Variants in NAV2 observed in about 807,000 individuals in gnomAD.
NAV2 encodes the protein neuron navigator 2.
Under a neutral mutation model 223.2 loss-of-function variants are expected in NAV2, and 54 were observed. The ratio of observed to expected loss-of-function variants is 0.24; its 90% CI spans 0.19 to 0.30. NAV2 has a LOEUF of 0.30. Among genes scored for constraint, NAV2 ranks in the 10% least tolerant of loss-of-function variants. NAV2 has a pLI of 1.00. For missense variants in NAV2, 2,806 were observed against 3,147.5 expected, an observed-to-expected ratio of 0.89 and a Z score of 2.60; for synonymous variants, 1,279 against 1,239.3, an observed-to-expected ratio of 1.03 and a Z score of -0.67.
At chr11:19,463,578 G>A (rs1433391463) in intron 1 of NAV2, among the ~76,000 whole-genome samples, 5 of 152,220 alleles carry the variant, frequency 3.3e-5, no homozygotes, top group Non-Finnish European at 7.3e-5. Context: ...TTGGTGAGTG[G>A]CCAATGCCAC....
chr11:19,836,631 C>G (rs1182690200), intron 2 of NAV2, among the ~76,000 whole-genome samples: 1 of 151,752 alleles, frequency 6.6e-6, no homozygotes, highest in Non-Finnish European at 1.5e-5. Context: ...TCAACAACCT[C>G]TATTAATTAC....
chr11:19,722,357 G>T (rs979194003), intron 1 of NAV2, among the ~76,000 whole-genome samples: 2 of 152,212 alleles, frequency 1.3e-5, no homozygotes, highest in Non-Finnish European at 2.9e-5. Context: ...GAGCCCTGCT[G>T]GTCTAGGCAC....
chr11:19,910,525 G>A (rs181882146), intron 6 of NAV2, among the ~76,000 whole-genome samples: 10 of 152,216 alleles, frequency 6.6e-5, no homozygotes, highest in African/African-American at 1.9e-4. Context: ...AATCAGAGGC[G>A]CCCTGGAGTT....
intron 1 of NAV2, among the ~76,000 whole-genome samples, chr11:19,534,169 A>C (rs1007767542): frequency 2.0e-5 from 3 of 152,150 alleles, no homozygotes; most frequent in East Asian, 1.9e-4. Flanking sequence ...TCCTTACTGC[A>C]TCTCTCTGCT....
chr11:19,792,668 A>G (rs1743918810), intron 1 of NAV2, among the ~76,000 whole-genome samples: 1 of 152,138 alleles, frequency 6.6e-6, no homozygotes, highest in African/African-American at 2.4e-5. Context: ...CCTTTGGGAC[A>G]TCTCTTCTGC....
At position 19,842,940 on chromosome 11, in the gene NAV2, T is replaced by C. The variant is rs751934297; in HGVS notation, c.438+17T>C. 1.7e-5 allele frequency: 28 copies of C among 1,611,154 alleles called. No homozygotes were observed. In the South Asian group the frequency reaches 2.3e-4, roughly 13 times the overall value. On this transcript the variant is annotated intron_variant, in intron 3 of 37. Transcript: ENST00000349880. Reference sequence around the variant, plus strand: ...TCCCAAATGGTAAGTGGTGCATAGGTAGTAAATGTTTGAGTTCTGTCAGCA... The same window carrying C: ...TCCCAAATGGTAAGTGGTGCATAGGCAGTAAATGTTTGAGTTCTGTCAGCA...
intron 1 of NAV2, among the ~76,000 whole-genome samples, chr11:19,817,848 C>T (rs1203375328): frequency 1.3e-5 from 2 of 152,194 alleles, no homozygotes; most frequent in Non-Finnish European, 2.9e-5. Context: ...GAACTTGGCA[C>T]CTCTTGTCCT....
chr11:19,702,125 A>G (rs1313774223), intron 1 of NAV2, among the ~76,000 whole-genome samples: 2 of 152,232 alleles, frequency 1.3e-5, no homozygotes, highest in African/African-American at 4.8e-5. Context: ...TAGATCAGTC[A>G]GAAAAGAATT....
intron 1 of NAV2, among the ~76,000 whole-genome samples, chr11:19,571,725 A>G (rs1477206975): frequency 1.3e-5 from 2 of 152,072 alleles, no homozygotes; most frequent in African/African-American, 4.8e-5. Context: ...AAAAAAAAAA[A>G]GAAAAGTTTA....
chr11:19,880,147 T>C lies in NAV2; in HGVS notation c.770+20T>C, dbSNP rs2063110330. The stretch of plus-strand genomic sequence containing the variant: ...GTCCAGGTGGGGGCTCCTTGCCAAC[T>C]GATGGTTCTGTTTTTCAGGCACCTT... On this transcript the variant is annotated intron_variant, in intron 5 of 37. Transcript: ENST00000349880. 2 of 1,545,120 alleles carry C rather than the reference T, an allele frequency of 1.3e-6. No homozygotes were observed. The highest frequency in any genetic ancestry group is 2.0e-5 in the Admixed American group (1 of 51,036).
intron 15 of NAV2, 169 bp downstream of exon 15, chr11:20,049,364 C>T: frequency 1.6e-6 from 1 of 611,954 alleles, no homozygotes; most frequent in Non-Finnish European, 2.8e-6. Context: ...TCAAGCTTGG[C>T]TCTGCTCCCT....
intron 22 of NAV2, among the ~76,000 whole-genome samples, chr11:20,069,053 C>A (rs754601753): frequency 4.6e-5 from 7 of 151,658 alleles, no homozygotes; most frequent in Non-Finnish European, 8.8e-5. Context: ...CTAGGGGGAG[C>A]ACCTAGCTCA....
intron 1 of NAV2, among the ~76,000 whole-genome samples, chr11:19,606,271 A>T (rs2046473455): frequency 6.6e-6 from 1 of 152,228 alleles, no homozygotes; most frequent in Admixed American, 6.5e-5. Context: ...ATACTATTAC[A>T]TGCCAGGTAA....
chr11:19,371,128 C>G (rs1056794712), intron 1 of NAV2, among the ~76,000 whole-genome samples: 9 of 152,160 alleles, frequency 5.9e-5, no homozygotes, highest in South Asian at 2.1e-4. Flanking sequence ...GTGAAACAGC[C>G]AAAATAACCA....
At position 20,044,238 on chromosome 11, in the gene NAV2, A is replaced by G. The variant is rs749065404; in HGVS notation, c.3165A>G (p.Ser1055=). Residue 1055 remains serine (S), a synonymous_variant, in exon 13 of 38, where the codon TCA becomes TCG. Transcript: ENST00000349880. ...TCACCATGCCAAGGACGAAGCCTTC[A>G]GCCCCGGCAGGCGCACTGAAGACCC... ...VGITMPRTKP[S]APAGALKTPG... 9 of 1,612,710 alleles carry G rather than the reference A, an allele frequency of 5.6e-6. No homozygotes were observed. The East Asian group carries it at 1.6e-4, about 28-fold the overall frequency.
At chr11:19,705,544 G>A (rs1036812930) in intron 1 of NAV2, among the ~76,000 whole-genome samples, 2 of 152,092 alleles carry the variant, frequency 1.3e-5, no homozygotes, top group Non-Finnish European at 2.9e-5. Context: ...ATGGGGAAGA[G>A]GCACAATTTC....
intron 3 of NAV2, among the ~76,000 whole-genome samples, chr11:19,859,347 C>T (rs1440933300): frequency 1.3e-5 from 2 of 150,392 alleles, no homozygotes; most frequent in Non-Finnish European, 3.0e-5. Flanking sequence ...TGACTCTTAA[C>T]GAGTATGCTG....
intron 12 of NAV2, among the ~76,000 whole-genome samples, chr11:20,039,138 C>T (rs1048648593): frequency 1.3e-5 from 2 of 152,236 alleles, no homozygotes; most frequent in Non-Finnish European, 2.9e-5. Flanking sequence ...CTGGTGAGTC[C>T]GGTTGGCCAA....
At chr11:20,055,715 A>T in intron 18 of NAV2, 54 bp from the exon 19 acceptor site, 1 of 1,520,222 alleles carries the variant, frequency 6.6e-7, no homozygotes, top group Non-Finnish European at 9.0e-7. Flanking sequence ...CCCAACCAGG[A>T]TTTGAACAGA....
Sources: gnomAD v4.1 joint callset for allele counts (sites outside exome capture counted in the v4.1 genomes callset) on GRCh38, gnomAD v4.1.1 for gene constraint, MANE v1.5 for transcripts, NCBI Gene and HGNC (gene_info 2026-07-23, HGNC 2026-07-21) for gene names.